Variants in PLCB1 observed in about 807,000 individuals in gnomAD.
The protein encoded by PLCB1 is 1-phosphatidylinositol 4,5-bisphosphate phosphodiesterase beta-1.
In PLCB1, 46 loss-of-function variants were observed where a neutral mutation model predicts 161.8. The observed-to-expected ratio is 0.28, with a 90% CI of 0.22 to 0.36. The LOEUF (loss-of-function observed/expected upper bound fraction) is 0.36. Among genes scored for constraint, PLCB1 ranks in the 10% least tolerant of loss-of-function variants. The pLI is 1.00. For synonymous variants in PLCB1, 517 were observed against 503.7 expected (o/e 1.03, Z -0.35); for missense variants, 1,016 against 1,472.5 (o/e 0.69, Z 5.07).
chr20:8,469,563 C>CT (rs11482928), intron 3 of PLCB1, among the ~76,000 whole-genome samples: 4,890 of 151,890 alleles, frequency 0.032, 252 homozygotes, highest in African/African-American at 0.11. Context: ...GTTCCAGCTT[C>CT]TTTTTTAAAA....
chr20:8,182,707 T>C (rs1316919342), intron 2 of PLCB1, among the ~76,000 whole-genome samples: 1 of 151,660 alleles, frequency 6.6e-6, no homozygotes, highest in Non-Finnish European at 1.5e-5. Context: ...CAGCCTCCTG[T>C]GTAGCTGGGA....
chr20:8,253,301 T>C (rs1981250977), intron 2 of PLCB1, among the ~76,000 whole-genome samples: 1 of 152,028 alleles, frequency 6.6e-6, no homozygotes, highest in Non-Finnish European at 1.5e-5. Flanking sequence ...TCTAGCACTA[T>C]TCACTTAGAA....
intron 31 of PLCB1, among the ~76,000 whole-genome samples, chr20:8,824,405 CTCTG>C (rs35893877): frequency 0.31 from 47,708 of 151,930 alleles, 8,240 homozygotes; most frequent in Admixed American, 0.4. Flanking sequence ...TGCATGCTTT[CTCTG>C]TCTTTTATTT....
intron 2 of PLCB1, among the ~76,000 whole-genome samples, chr20:8,153,313 T>A (rs2051528158): frequency 6.6e-6 from 1 of 152,136 alleles, no homozygotes; most frequent in South Asian, 2.1e-4. Context: ...TCTTATTGAA[T>A]AAAATGAGCA....
chr20:8,623,639 CT>C (rs1988247612), intron 3 of PLCB1, among the ~76,000 whole-genome samples: 1 of 151,938 alleles, frequency 6.6e-6, no homozygotes, highest in African/African-American at 2.4e-5. Flanking sequence ...TCTACTCCCT[CT>C]AGTTAAAAAA....
intron 2 of PLCB1, among the ~76,000 whole-genome samples, chr20:8,250,717 A>G (rs1400426877): frequency 2.0e-5 from 3 of 151,934 alleles, no homozygotes; most frequent in Non-Finnish European, 2.9e-5. Flanking sequence ...CAACAATATA[A>G]CAGAGACATT....
intron 9 of PLCB1, among the ~76,000 whole-genome samples, chr20:8,667,128 C>A (rs1352117826): frequency 6.6e-6 from 1 of 152,122 alleles, no homozygotes; most frequent in Non-Finnish European, 1.5e-5. Flanking sequence ...CAAATAAGAT[C>A]AATTTTCTCC....
At chr20:8,787,516 G>C (rs1983547080) in intron 27 of PLCB1, among the ~76,000 whole-genome samples, 1 of 152,248 alleles carries the variant, frequency 6.6e-6, no homozygotes, top group Non-Finnish European at 1.5e-5. Context: ...GGGAAAAGCA[G>C]TGGGGGCTTT....
In PLCB1 at chr20:8,817,524, C is replaced by T. The variant is rs73600210; in HGVS notation, c.3423+27263C>T. ...TCAGCAACAAGAAAGAAATGACCCA[C>T]GCTTAGGCTCCAAACTGGAAAATTT... On this transcript the variant is annotated intron_variant, in intron 31 of 31. Transcript: ENST00000338037. Among the ~76,000 whole-genome samples, 34 of 152,286 alleles carry T rather than the reference C, an allele frequency of 2.2e-4. No individual in the cohort carries two copies. In the East Asian group the frequency reaches 6.2e-3, roughly 28 times the overall value.
At chr20:8,309,234 G>T (rs1044110981) in intron 2 of PLCB1, among the ~76,000 whole-genome samples, 5 of 152,108 alleles carry the variant, frequency 3.3e-5, no homozygotes, top group African/African-American at 1.2e-4. Context: ...GTGAACAAGG[G>T]GGTATGCTTT....
intron 3 of PLCB1, among the ~76,000 whole-genome samples, chr20:8,532,693 GA>G (rs1303044601): frequency 1.3e-5 from 2 of 152,108 alleles, no homozygotes; most frequent in East Asian, 3.9e-4. Context: ...CCATTTTCAT[GA>G]CATTTGATAA....
At chr20:8,546,766 A>C (rs929922233) in intron 3 of PLCB1, among the ~76,000 whole-genome samples, 54 of 152,190 alleles carry the variant, frequency 3.5e-4, no homozygotes, top group African/African-American at 1.1e-3. Context: ...TGTCTGTAGG[A>C]AATGACTAGT....
intron 2 of PLCB1, among the ~76,000 whole-genome samples, chr20:8,317,618 G>T (rs145847589): frequency 6.6e-6 from 1 of 151,924 alleles, no homozygotes; most frequent in Non-Finnish European, 1.5e-5. Flanking sequence ...AAATTCTAAG[G>T]CATTCTTATG....
intron 3 of PLCB1, among the ~76,000 whole-genome samples, chr20:8,372,951 A>G (rs553965728): frequency 5.3e-5 from 8 of 152,250 alleles, no homozygotes; most frequent in African/African-American, 1.9e-4. Flanking sequence ...TGCCACATGG[A>G]GGGTTTCTTT....
intron 3 of PLCB1, among the ~76,000 whole-genome samples, chr20:8,517,815 A>T (rs190653518): frequency 1.5e-4 from 23 of 152,270 alleles, no homozygotes; most frequent in African/African-American, 5.5e-4. Flanking sequence ...GCTGTCAGGT[A>T]TGTTTATCCT....
intron 11 of PLCB1, among the ~76,000 whole-genome samples, chr20:8,703,387 T>C (rs968401607): frequency 6.6e-6 from 1 of 152,208 alleles, no homozygotes; most frequent in Non-Finnish European, 1.5e-5. Flanking sequence ...TACATAGGCA[T>C]GGACTTATTA....
intron 3 of PLCB1, among the ~76,000 whole-genome samples, chr20:8,376,732 T>A (rs573324820): frequency 5.5e-4 from 83 of 151,998 alleles, no homozygotes; most frequent in African/African-American, 1.9e-3. Flanking sequence ...ATCGAGACCA[T>A]CCTGGCTAAC....
intron 2 of PLCB1, among the ~76,000 whole-genome samples, chr20:8,321,213 C>G (rs973234566): frequency 6.6e-6 from 1 of 152,178 alleles, no homozygotes; most frequent in Non-Finnish European, 1.5e-5. Flanking sequence ...AAACTGTTCT[C>G]CTTTTTTTGT....
intron 9 of PLCB1, among the ~76,000 whole-genome samples, chr20:8,682,502 A>G (rs899575477): frequency 2.0e-5 from 3 of 152,188 alleles, no homozygotes; most frequent in African/African-American, 7.2e-5. Flanking sequence ...CTTATTTTTT[A>G]TTCTTGGACA....
Sources: gnomAD v4.1 joint callset for allele counts (sites outside exome capture counted in the v4.1 genomes callset) on GRCh38, gnomAD v4.1.1 for gene constraint, MANE v1.5 for transcripts, NCBI Gene and HGNC (gene_info 2026-07-23, HGNC 2026-07-21) for gene names.